Variants in GPC5 observed in about 807,000 individuals in gnomAD.
The protein encoded by GPC5 is glypican 5.
Under a neutral mutation model 53.9 loss-of-function variants are expected in GPC5, and 47 were observed. The observed-to-expected ratio is 0.87, with a 90% CI of 0.69 to 1.11. The LOEUF (loss-of-function observed/expected upper bound fraction) is 1.11. GPC5 is among the 50% of genes most tolerant of loss of function. The pLI, the probability that GPC5 is intolerant of heterozygous loss-of-function variation, is 0.00. For synonymous variants in GPC5, 286 were observed against 263.3 expected (o/e 1.09, Z -0.84); for missense variants, 748 against 713.1 (o/e 1.05, Z -0.56).
intron 2 of GPC5, among the ~76,000 whole-genome samples, chr13:91,625,113 A>G (rs909955071): frequency 2.0e-5 from 3 of 151,958 alleles, no homozygotes; most frequent in Non-Finnish European, 4.4e-5. Flanking sequence ...TGAAGCAAAG[A>G]AAAAAGGGAG....
At chr13:92,287,058 A>T (rs1265488089) in intron 7 of GPC5, among the ~76,000 whole-genome samples, 1 of 152,168 alleles carries the variant, frequency 6.6e-6, no homozygotes, top group Non-Finnish European at 1.5e-5. Flanking sequence ...AGAGAAGATA[A>T]TTTTTTGTTG....
intron 2 of GPC5, among the ~76,000 whole-genome samples, chr13:91,459,839 T>C (rs560110219): frequency 1.3e-5 from 2 of 152,244 alleles, no homozygotes; most frequent in East Asian, 3.9e-4. Flanking sequence ...GATATGAAAA[T>C]ACAATTGATT....
At chr13:92,634,425 T>G (rs573323260) in intron 7 of GPC5, among the ~76,000 whole-genome samples, 2 of 152,156 alleles carry the variant, frequency 1.3e-5, no homozygotes, top group Non-Finnish European at 2.9e-5. Flanking sequence ...TTTTATTTAT[T>G]TTGTCTTTAT....
At chr13:92,788,263 A>C (rs775093641) in intron 7 of GPC5, among the ~76,000 whole-genome samples, 2 of 152,180 alleles carry the variant, frequency 1.3e-5, no homozygotes, top group African/African-American at 4.8e-5. Flanking sequence ...AAAAAGATCA[A>C]CAAGGATAAA....
At chr13:92,474,778 C>G (rs1879040702) in intron 7 of GPC5, among the ~76,000 whole-genome samples, 1 of 152,036 alleles carries the variant, frequency 6.6e-6, no homozygotes, top group South Asian at 2.1e-4. Context: ...TCAGGATTCT[C>G]TATTGGAATT....
intron 2 of GPC5, among the ~76,000 whole-genome samples, chr13:91,675,400 A>C (rs2035358968): frequency 6.6e-6 from 1 of 152,200 alleles, no homozygotes; most frequent in African/African-American, 2.4e-5. Context: ...TGCTTGAAAA[A>C]TAATTTCCAC....
At position 91,840,752 on chromosome 13, in the gene GPC5, T is replaced by A. The variant is rs149112041; in HGVS notation, c.1281-67185T>A. On this transcript the variant is annotated intron_variant, in intron 5 of 7. Coordinates refer to ENST00000377067, the MANE Select transcript of GPC5 (RefSeq NM_004466.6). ...GACATAAGTTCCTATTTTTATTTTT[T>A]TTTTTTTAAAAAACATGTTTAGATC... Among the ~76,000 whole-genome samples, 1,032 of 151,960 alleles carry A rather than the reference T, an allele frequency of 6.8e-3. 6 individuals are homozygous for A. The highest frequency in any genetic ancestry group is 0.011 in the African/African-American group (437 of 41,492).
intron 7 of GPC5, among the ~76,000 whole-genome samples, chr13:92,600,618 C>G (rs1274707247): frequency 6.6e-6 from 1 of 151,780 alleles, no homozygotes; most frequent in Non-Finnish European, 1.5e-5. Flanking sequence ...CTGCCTCAGC[C>G]TCCTGAGTAG....
At chr13:91,771,160 A>C (rs2037617573) in intron 5 of GPC5, among the ~76,000 whole-genome samples, 1 of 152,230 alleles carries the variant, frequency 6.6e-6, no homozygotes, top group Admixed American at 6.5e-5. Flanking sequence ...AATTAGGCAA[A>C]GTGCATGAAT....
At chr13:91,540,212 C>G (rs1459098746) in intron 2 of GPC5, among the ~76,000 whole-genome samples, 1 of 152,198 alleles carries the variant, frequency 6.6e-6, no homozygotes, top group Non-Finnish European at 1.5e-5. Context: ...AAACTAACAG[C>G]TGGCCCTTCC....
At chr13:92,041,434 A>G (rs575952707) in intron 6 of GPC5, among the ~76,000 whole-genome samples, 48 of 152,308 alleles carry the variant, frequency 3.2e-4, no homozygotes, top group Middle Eastern at 3.4e-3. Context: ...ACTGACCTTG[A>G]CGGGCAGAAG....
chr13:92,275,723 A>G (rs75891486), intron 7 of GPC5, among the ~76,000 whole-genome samples: 1 of 152,052 alleles, frequency 6.6e-6, no homozygotes, highest in Non-Finnish European at 1.5e-5. Flanking sequence ...TATAGTACCT[A>G]ATATTATAGG....
chr13:92,546,334 T>A (rs527556066), intron 7 of GPC5, among the ~76,000 whole-genome samples: 114 of 152,174 alleles, frequency 7.5e-4, no homozygotes, highest in Admixed American at 7.4e-3. Context: ...GATAAAAAAA[T>A]CAATGTGCAA....
At chr13:91,460,132 A>T in intron 2 of GPC5, among the ~76,000 whole-genome samples, 1 of 152,148 alleles carries the variant, frequency 6.6e-6, no homozygotes, top group East Asian at 1.9e-4. Context: ...TAACCCAGTT[A>T]GCAAGTAAAG....
At chr13:92,048,459 G>A (rs558576267) in intron 6 of GPC5, among the ~76,000 whole-genome samples, 1 of 152,290 alleles carries the variant, frequency 6.6e-6, no homozygotes, top group East Asian at 1.9e-4. Context: ...GTTTTATGGT[G>A]AGAACACAGA....
chr13:92,714,906 A>G (rs1380954794), intron 7 of GPC5, among the ~76,000 whole-genome samples: 5 of 152,112 alleles, frequency 3.3e-5, no homozygotes, highest in African/African-American at 1.2e-4. Context: ...TCTCTATTAA[A>G]AATACAAAAA....
At chr13:92,565,175 G>T (rs1025449205) in intron 7 of GPC5, among the ~76,000 whole-genome samples, 3 of 152,056 alleles carry the variant, frequency 2.0e-5, no homozygotes, top group African/African-American at 7.2e-5. Flanking sequence ...TAAAGAATAC[G>T]TAAATATTTT....
intron 7 of GPC5, among the ~76,000 whole-genome samples, chr13:92,635,845 G>C (rs148111329): frequency 1.3e-5 from 2 of 152,320 alleles, no homozygotes; most frequent in African/African-American, 2.4e-5. Flanking sequence ...TCAGTCACTT[G>C]AATTTTTCAC....
At chr13:92,203,600 C>A (rs1239708480) in intron 7 of GPC5, among the ~76,000 whole-genome samples, 1 of 143,432 alleles carries the variant, frequency 7.0e-6, no homozygotes, top group African/African-American at 2.6e-5. Context: ...AACTAACCTG[C>A]ACAATGTGCA....
Sources: allele counts gnomAD v4.1 joint callset (sites outside exome capture counted in the v4.1 genomes callset), GRCh38; gene constraint gnomAD v4.1.1; transcripts MANE v1.5; gene names NCBI Gene and HGNC (gene_info 2026-07-23, HGNC 2026-07-21).